Variants in SUGCT observed in about 807,000 individuals in gnomAD.
The protein encoded by SUGCT is succinyl-CoA:glutarate CoA-transferase.
SUGCT carries 41 observed loss-of-function variants against 55.0 expected under a neutral mutation model. The ratio of observed to expected loss-of-function variants is 0.74; its 90% CI spans 0.58 to 0.97. The LOEUF is 0.97. Ranked by LOEUF, SUGCT falls within the 50% of genes least tolerant of loss-of-function variation. SUGCT has a pLI of 0.00. For missense variants in SUGCT, 568 were observed against 547.8 expected (o/e 1.04, Z -0.37); for synonymous variants, 187 against 200.4 (o/e 0.93, Z 0.56).
At chr7:40,927,995 A>T in the SUGCT span, among the ~76,000 whole-genome samples, 1 of 152,134 alleles carries the variant, frequency 6.6e-6, no homozygotes, top group African/African-American at 2.4e-5. Context: ...TATTGTTGCT[A>T]ATGAATCTCT....
intron 9 of SUGCT, among the ~76,000 whole-genome samples, chr7:40,386,336 C>T (rs1439051112): frequency 6.6e-6 from 1 of 152,194 alleles, no homozygotes. Context: ...CAACACTGAT[C>T]CCTCATCCCA....
chr7:40,244,015 A>C (rs937792246), intron 7 of SUGCT, among the ~76,000 whole-genome samples: 1 of 152,074 alleles, frequency 6.6e-6, no homozygotes, highest in Non-Finnish European at 1.5e-5. Context: ...TCTACTAAAA[A>C]TACAAAAGTT....
At chr7:40,359,424 C>T (rs1373729723) in intron 9 of SUGCT, among the ~76,000 whole-genome samples, 2 of 152,068 alleles carry the variant, frequency 1.3e-5, no homozygotes, top group African/African-American at 2.4e-5. Flanking sequence ...AGGCTGGTCT[C>T]AAACTCCTGA....
At chr7:40,397,959 A>C (rs1036945275) in intron 9 of SUGCT, among the ~76,000 whole-genome samples, 7 of 152,202 alleles carry the variant, frequency 4.6e-5, no homozygotes, top group African/African-American at 9.6e-5. Context: ...CTTGCTTTCA[A>C]ATCACAGGTT....
At chr7:40,478,931 T>C in intron 11 of SUGCT, among the ~76,000 whole-genome samples, 1 of 152,150 alleles carries the variant, frequency 6.6e-6, no homozygotes, top group East Asian at 1.9e-4. Flanking sequence ...TGAGGTCATA[T>C]AGTATTTGTC....
chr7:40,144,285 G>T (rs916470788), intron 1 of SUGCT, among the ~76,000 whole-genome samples: 1 of 152,202 alleles, frequency 6.6e-6, no homozygotes, highest in Non-Finnish European at 1.5e-5. Context: ...AAGAGAAATT[G>T]ACTTGGTTAT....
rs1234970575 is a variant in SUGCT at position 40,372,576 on chromosome 7, T to C, written c.816+55721T>C. On this transcript the variant is annotated intron_variant, in intron 9 of 13. Transcript: ENST00000335693. ...TTTTACTGGGAAATAGATACTCCTG[T>C]AGGCTATAGATTTATTTTTCAACTG... Among the ~76,000 whole-genome samples the C allele has an allele frequency of 2.0e-5, 3 of 152,058 alleles. 1 individual carries two copies. The highest frequency in any genetic ancestry group is 4.4e-5 in the Non-Finnish European group (3 of 67,926).
chr7:40,939,747 C>T, the SUGCT span, among the ~76,000 whole-genome samples: 1 of 151,788 alleles, frequency 6.6e-6, no homozygotes, highest in African/African-American at 2.4e-5. Context: ...ATTTTTCTTG[C>T]TGATTTGAGT....
chr7:40,290,650 C>CAAATGGGA (rs1364738118), intron 8 of SUGCT, among the ~76,000 whole-genome samples: 3 of 152,126 alleles, frequency 2.0e-5, no homozygotes, highest in African/African-American at 7.2e-5. Context: ...CCAAAATTGA[C>CAAATGGGA]AAATGGGATC....
intron 6 of SUGCT, among the ~76,000 whole-genome samples, chr7:40,233,127 G>GTACT (rs1788815468): frequency 1.3e-5 from 2 of 151,922 alleles, no homozygotes; most frequent in African/African-American, 4.8e-5. Flanking sequence ...TTTATTCATA[G>GTACT]TACTGGTAGT....
intron 12 of SUGCT, among the ~76,000 whole-genome samples, chr7:40,522,462 C>A (rs1793586218): frequency 6.6e-6 from 1 of 151,998 alleles, no homozygotes; most frequent in Non-Finnish European, 1.5e-5. Flanking sequence ...CTCTTTTTAT[C>A]CTTACAGTTA....
At chr7:40,362,495 A>G (rs992950952) in intron 9 of SUGCT, among the ~76,000 whole-genome samples, 2 of 152,134 alleles carry the variant, frequency 1.3e-5, no homozygotes, top group African/African-American at 4.8e-5. Flanking sequence ...CTCCAGCACC[A>G]TCAACCTGCT....
chr7:40,259,144 G>T (rs1791046236), intron 7 of SUGCT, among the ~76,000 whole-genome samples: 1 of 152,144 alleles, frequency 6.6e-6, no homozygotes, highest in Non-Finnish European at 1.5e-5. Context: ...TAGAATGGTG[G>T]TTACCAGAGG....
At chr7:40,519,413 C>T (rs6975971) in intron 12 of SUGCT, among the ~76,000 whole-genome samples, 6,303 of 151,994 alleles carry the variant, frequency 0.041, 422 homozygotes, top group African/African-American at 0.14. Context: ...AGGAAGCTAG[C>T]TAGAGTACAT....
chr7:40,165,965 T>C (rs1784405798), intron 1 of SUGCT, among the ~76,000 whole-genome samples: 1 of 151,974 alleles, frequency 6.6e-6, no homozygotes. Flanking sequence ...ACAAAAAATA[T>C]ATAAAAATTT....
chr7:40,997,952 T>A, the SUGCT span, among the ~76,000 whole-genome samples: 1 of 152,322 alleles, frequency 6.6e-6, no homozygotes, highest in African/African-American at 2.4e-5. Context: ...AGCAACCTGC[T>A]CAATGCTCAC....
chr7:40,261,747 A>G (rs1428078573), intron 7 of SUGCT, among the ~76,000 whole-genome samples: 7 of 152,164 alleles, frequency 4.6e-5, no homozygotes, highest in African/African-American at 1.4e-4. Flanking sequence ...TAAATGCAAG[A>G]TTGTTTATAT....
intron 9 of SUGCT, among the ~76,000 whole-genome samples, chr7:40,344,634 G>A (rs1024061018): frequency 6.6e-6 from 1 of 152,138 alleles, no homozygotes; most frequent in African/African-American, 2.4e-5. Flanking sequence ...GACCTGCAAA[G>A]CTGAACATAT....
intron 10 of SUGCT, among the ~76,000 whole-genome samples, chr7:40,455,754 A>C (rs906980191): frequency 6.6e-6 from 1 of 152,230 alleles, no homozygotes; most frequent in Non-Finnish European, 1.5e-5. Context: ...TTCTTATGCT[A>C]CAAGTGATTC....
Sources: gnomAD v4.1 joint callset for allele counts (sites outside exome capture counted in the v4.1 genomes callset) on GRCh38, gnomAD v4.1.1 for gene constraint, MANE v1.5 for transcripts, NCBI Gene and HGNC (gene_info 2026-07-23, HGNC 2026-07-21) for gene names.